GRHL2: variants seen among roughly 807,000 people sequenced by gnomAD.
GRHL2 encodes grainyhead like transcription factor 2.
GRHL2 carries 21 observed loss-of-function variants against 83.8 expected under a neutral mutation model. The ratio of observed to expected loss-of-function variants is 0.25; its 90% CI spans 0.18 to 0.36. The LOEUF (loss-of-function observed/expected upper bound fraction) is 0.36, where lower values mean the gene tolerates loss of function less well. Among genes scored for constraint, GRHL2 ranks in the 10% least tolerant of loss-of-function variants. The probability of loss-of-function intolerance (pLI) is 1.00; values close to 1 mark genes in which losing one functional copy is unlikely to be tolerated. For missense variants in GRHL2, 623 were observed against 781.8 expected, an observed-to-expected ratio of 0.80 and a Z score of 2.42; for synonymous variants, 280 against 278.9, an observed-to-expected ratio of 1.00 and a Z score of -0.04.
At chr8:101,644,740 C>T (rs1440961079) in intron 13 of GRHL2, among the ~76,000 whole-genome samples, 1 of 152,202 alleles carries the variant, frequency 6.6e-6, no homozygotes, top group Non-Finnish European at 1.5e-5. Context: ...TACAGGATTC[C>T]ATGCCCTTCC....
At chr8:101,639,154 C>G (rs1156746385) in intron 12 of GRHL2, among the ~76,000 whole-genome samples, 1 of 152,142 alleles carries the variant, frequency 6.6e-6, no homozygotes, top group East Asian at 1.9e-4. Context: ...GTTAGATGGC[C>G]ATCGACCTAC....
At chr8:101,539,612 T>C in intron 1 of GRHL2, among the ~76,000 whole-genome samples, 1 of 152,334 alleles carries the variant, frequency 6.6e-6, no homozygotes, top group Middle Eastern at 3.4e-3. Context: ...GTTTTCTACA[T>C]GGAAATGCTA....
intron 8 of GRHL2, among the ~76,000 whole-genome samples, chr8:101,606,798 G>A (rs1812642583): frequency 6.6e-6 from 1 of 152,174 alleles, no homozygotes. Context: ...TTCAAGGTGA[G>A]CAAGCCAAGC....
chr8:101,613,275 T>C (rs1586144512), intron 8 of GRHL2, among the ~76,000 whole-genome samples: 1 of 150,704 alleles, frequency 6.6e-6, no homozygotes, highest in Non-Finnish European at 1.5e-5. Flanking sequence ...AACCGCAGAA[T>C]TGAGAGGAAA....
chr8:101,681,069 C>G, the GRHL2 span, among the ~76,000 whole-genome samples: 2 of 140,432 alleles, frequency 1.4e-5, no homozygotes, highest in Non-Finnish European at 3.1e-5. Flanking sequence ...CAAGAAATAA[C>G]TAAAATCAGA....
At chr8:101,632,108 C>T (rs1005066408) in intron 10 of GRHL2, 118 bp from the exon 11 acceptor site, 6 of 1,100,046 alleles carry the variant, frequency 5.5e-6, no homozygotes, top group Non-Finnish European at 6.9e-6. Flanking sequence ...GAAGTGTGTT[C>T]ACATCTATGG....
intron 14 of GRHL2, among the ~76,000 whole-genome samples, chr8:101,655,658 A>T (rs536600107): frequency 6.6e-5 from 10 of 152,230 alleles, no homozygotes; most frequent in Non-Finnish European, 1.3e-4. Context: ...CATACTTGGT[A>T]TCATTTGGAG....
At chr8:101,608,247 T>C (rs535650204) in intron 8 of GRHL2, among the ~76,000 whole-genome samples, 1 of 152,356 alleles carries the variant, frequency 6.6e-6, no homozygotes, top group Admixed American at 6.5e-5. Context: ...AGCTGGCGCC[T>C]GGTAGAGCTG....
intron 7 of GRHL2, among the ~76,000 whole-genome samples, chr8:101,594,085 AAAAAAAAAAAAAAGAG>A (rs1426086008): frequency 3.2e-4 from 45 of 140,856 alleles, no homozygotes; most frequent in Non-Finnish European, 5.4e-4. Flanking sequence ...AAAAAAAAAA[AAAAAAAAAAAAAAGAG>A]AGAGATAGTG....
chr8:101,583,211 C>G (rs1812092406), intron 7 of GRHL2, among the ~76,000 whole-genome samples: 1 of 152,120 alleles, frequency 6.6e-6, no homozygotes, highest in Admixed American at 6.5e-5. Context: ...ATCTGTATTT[C>G]AGGGAGGTAA....
At chr8:101,648,504 GC>G (rs1283527022) in intron 13 of GRHL2, among the ~76,000 whole-genome samples, 2 of 152,162 alleles carry the variant, frequency 1.3e-5, no homozygotes, top group African/African-American at 4.8e-5. Context: ...GTGCCACATG[GC>G]TTTTATTTCA....
chr8:101,633,526 C>T (rs1395235975), intron 11 of GRHL2, among the ~76,000 whole-genome samples: 3 of 152,178 alleles, frequency 2.0e-5, no homozygotes, highest in Non-Finnish European at 4.4e-5. Context: ...ATTCATGAGA[C>T]AGAGCAACTC....
chr8:101,625,526 A>G (rs114709779), intron 9 of GRHL2, among the ~76,000 whole-genome samples: 1,974 of 152,152 alleles, frequency 0.013, 39 homozygotes, highest in African/African-American at 0.045. Flanking sequence ...ATTTTAAATT[A>G]TAAAAGGGAG....
chr8:101,608,273 G>A (rs1586139934), intron 8 of GRHL2, among the ~76,000 whole-genome samples: 1 of 152,206 alleles, frequency 6.6e-6, no homozygotes, highest in East Asian at 1.9e-4. Flanking sequence ...CTAACCTTAG[G>A]CTGTCTGGTT....
chr8:101,652,585 T>TGTTTGTGTGTGTG lies in GRHL2; in HGVS notation c.1698+3088_1698+3089insTTGTGTGTGTGGT, dbSNP rs1563627629. ...GGTGGTGTGTGTGTGGTGTGTGTGG[T>TGTTTGTGTGTGTG]GTCTGTGTGTGTGTGGTGTGTGTGT... On this transcript the variant is annotated intron_variant, in intron 14 of 15. Transcript: ENST00000646743. Among the ~76,000 whole-genome samples, 78 of 82,994 alleles carry TGTTTGTGTGTGTG rather than the reference T, an allele frequency of 9.4e-4. 5 individuals carry two copies. The East Asian group carries it at 0.015, about 16-fold the overall frequency. The allele number at this position is 82,994 out of a possible 152,430, so 54.4% of individuals were successfully genotyped here. A position where few individuals can be genotyped will look rare whatever the true frequency, so the allele number is the denominator to read the frequency against.
At chr8:101,628,440 A>G (rs1813122483) in intron 9 of GRHL2, among the ~76,000 whole-genome samples, 1 of 152,018 alleles carries the variant, frequency 6.6e-6, no homozygotes, top group African/African-American at 2.4e-5. Context: ...CTTTTAATTG[A>G]CAATGTTCCC....
intron 7 of GRHL2, among the ~76,000 whole-genome samples, chr8:101,596,633 T>C (rs899405802): frequency 6.6e-6 from 1 of 152,184 alleles, no homozygotes; most frequent in East Asian, 1.9e-4. Flanking sequence ...ATGCTGATGA[T>C]GCATTAGGCA....
At chr8:101,598,000 A>G (rs116135083) in intron 7 of GRHL2, among the ~76,000 whole-genome samples, 2,169 of 152,256 alleles carry the variant, frequency 0.014, 46 homozygotes, top group African/African-American at 0.05. Flanking sequence ...TATTTGCCCA[A>G]TCTGGCAACT....
chr8:101,590,519 A>G (rs1014435680), intron 7 of GRHL2, among the ~76,000 whole-genome samples: 4 of 152,206 alleles, frequency 2.6e-5, no homozygotes, highest in East Asian at 1.9e-4. Flanking sequence ...ACCTTCCACT[A>G]TGAGACTAGC....
Sources: allele counts gnomAD v4.1 joint callset (sites outside exome capture counted in the v4.1 genomes callset), GRCh38; gene constraint gnomAD v4.1.1; transcripts MANE v1.5; gene names NCBI Gene and HGNC (gene_info 2026-07-23, HGNC 2026-07-21).